The following CORO2B variants were observed in gnomAD, a reference collection of about 807,000 sequenced individuals.
The protein encoded by CORO2B is coronin-2B.
CORO2B carries 26 observed loss-of-function variants against 58.8 expected under a neutral mutation model. That is an observed-to-expected ratio of 0.44 (90% CI 0.32 to 0.61). The LOEUF (loss-of-function observed/expected upper bound fraction) is 0.61, where lower values mean the gene tolerates loss of function less well. Among genes scored for constraint, CORO2B ranks in the 20% least tolerant of loss-of-function variants. The pLI, the probability that CORO2B is intolerant of heterozygous loss-of-function variation, is 0.04. For missense variants in CORO2B, 460 were observed against 645.1 expected, an observed-to-expected ratio of 0.71 and a Z score of 3.11; for synonymous variants, 242 against 253.8, an observed-to-expected ratio of 0.95 and a Z score of 0.44.
At chr15:68,692,575 ACT>A (rs1892405991) in intron 2 of CORO2B, among the ~76,000 whole-genome samples, 1 of 149,292 alleles carries the variant, frequency 6.7e-6, no homozygotes, top group Non-Finnish European at 1.5e-5. Flanking sequence ...ACAGAGTGAG[ACT>A]CTGTCTCAAA....
In CORO2B at chr15:68,726,444, C is replaced by G. The variant is rs1052498045; in HGVS notation, c.*470C>G. On this transcript the variant is annotated 3_prime_UTR_variant, in exon 12 of 12. Coordinates refer to ENST00000261861, the MANE Select transcript of CORO2B (RefSeq NM_006091.5). ...GCTGGACTGCAGGCTGCAGTGATCC[C>G]TCTTTCGTCCCACCCCCTCTTCCCT... 1 of 177,608 alleles carries G rather than the reference C, an allele frequency of 5.6e-6. No homozygotes were observed. The highest frequency in any genetic ancestry group is 1.2e-5 in the Non-Finnish European group (1 of 84,750). 11.0% of individuals were successfully genotyped at this position (177,608 alleles called of 1,614,324 possible). A position where few individuals can be genotyped will look rare whatever the true frequency, so the allele number is the denominator to read the frequency against.
At chr15:68,612,341 A>G (rs1462626254) in intron 1 of CORO2B, among the ~76,000 whole-genome samples, 1 of 152,220 alleles carries the variant, frequency 6.6e-6, no homozygotes, top group Non-Finnish European at 1.5e-5. Context: ...GTAAGGACAA[A>G]TCAGTAGTGA....
At chr15:68,572,272 T>C in the CORO2B span, among the ~76,000 whole-genome samples, 1 of 152,176 alleles carries the variant, frequency 6.6e-6, no homozygotes, top group Admixed American at 6.5e-5. Flanking sequence ...AGCCACTAAA[T>C]CTGCATAGGA....
chr15:68,671,785 G>A (rs952152453), intron 2 of CORO2B, among the ~76,000 whole-genome samples: 2 of 152,188 alleles, frequency 1.3e-5, no homozygotes, highest in Non-Finnish European at 2.9e-5. Flanking sequence ...GAGAGCAAGA[G>A]AGCCCAGGCA....
the CORO2B span, among the ~76,000 whole-genome samples, chr15:68,560,150 G>A: frequency 7.2e-5 from 11 of 152,212 alleles, no homozygotes; most frequent in Non-Finnish European, 2.9e-5. Context: ...GGGAAGATCC[G>A]GATATTGAAT....
At chr15:68,520,051 G>C in the CORO2B span, among the ~76,000 whole-genome samples, 1 of 152,102 alleles carries the variant, frequency 6.6e-6, no homozygotes, top group Non-Finnish European at 1.5e-5. Flanking sequence ...GAAGCATGAT[G>C]CTTTATTTTC....
intron 2 of CORO2B, among the ~76,000 whole-genome samples, chr15:68,689,739 A>T (rs1892310371): frequency 1.3e-5 from 2 of 152,216 alleles, no homozygotes; most frequent in African/African-American, 4.8e-5. Flanking sequence ...GACATTTTTT[A>T]AAAATTTACA....
chr15:68,676,859 C>A (rs1455191846), intron 2 of CORO2B, among the ~76,000 whole-genome samples: 2 of 152,134 alleles, frequency 1.3e-5, no homozygotes, highest in Non-Finnish European at 2.9e-5. Context: ...GCAGTCTCTA[C>A]TTCCTGGATC....
intron 2 of CORO2B, among the ~76,000 whole-genome samples, chr15:68,669,293 C>T (rs1488535165): frequency 1.3e-5 from 2 of 152,168 alleles, no homozygotes; most frequent in African/African-American, 2.4e-5. Flanking sequence ...GAGGTGAAGG[C>T]GACTTGGAGC....
At chr15:68,643,770 G>A (rs1397124759) in intron 1 of CORO2B, among the ~76,000 whole-genome samples, 2 of 152,162 alleles carry the variant, frequency 1.3e-5, no homozygotes, top group African/African-American at 4.8e-5. Context: ...CGGCACCGTG[G>A]CTCACACCTG....
At position 68,711,713 on chromosome 15, in the gene CORO2B, C is replaced by A. The variant is rs376937957; in HGVS notation, c.648+7C>A. On this transcript the variant is annotated splice_region_variant and intron_variant, in intron 5 of 11. Coordinates refer to ENST00000261861, the MANE Select transcript of CORO2B (RefSeq NM_006091.5). ...CTCTGGCCGTGTTCTGCAGGTGGAACCCTACATTTTTTGAGATTGAAGGGG... is the reference window on the plus strand; with the variant it reads ...CTCTGGCCGTGTTCTGCAGGTGGAAACCTACATTTTTTGAGATTGAAGGGG... 2 of 1,613,732 alleles carry A rather than the reference C, an allele frequency of 1.2e-6. No homozygotes were observed. The highest frequency in any genetic ancestry group is 1.7e-4 in the Middle Eastern group (1 of 6,060).
intron 3 of CORO2B, among the ~76,000 whole-genome samples, chr15:68,699,727 A>G (rs1892595950): frequency 1.3e-5 from 2 of 152,208 alleles, no homozygotes; most frequent in East Asian, 3.9e-4. Context: ...CTCCTGGAGG[A>G]CGTGCTCTGG....
chr15:68,681,111 C>A (rs34202070), intron 2 of CORO2B, among the ~76,000 whole-genome samples: 27,248 of 152,078 alleles, frequency 0.18, 3,019 homozygotes, highest in Non-Finnish European at 0.24. Context: ...TACTCGCGAA[C>A]CTGAGGCAGG....
chr15:68,610,335 C>A (rs1247498334), intron 1 of CORO2B, among the ~76,000 whole-genome samples: 1 of 152,186 alleles, frequency 6.6e-6, no homozygotes, highest in Non-Finnish European at 1.5e-5. Context: ...GCACTTGCCT[C>A]AAGGCCTAGT....
At chr15:68,526,838 G>C in the CORO2B span, among the ~76,000 whole-genome samples, 1 of 152,102 alleles carries the variant, frequency 6.6e-6, no homozygotes, top group East Asian at 1.9e-4. Context: ...TTCTGTTTTC[G>C]ACAGAATCAT....
At chr15:68,642,425 C>T (rs1181464224) in intron 1 of CORO2B, among the ~76,000 whole-genome samples, 7 of 152,116 alleles carry the variant, frequency 4.6e-5, no homozygotes, top group Non-Finnish European at 1.0e-4. Flanking sequence ...AGACCATCCC[C>T]GGTGCCCAGC....
intron 2 of CORO2B, among the ~76,000 whole-genome samples, chr15:68,690,646 CTTTTTTTTT>C (rs765999578): frequency 9.7e-6 from 1 of 102,876 alleles, no homozygotes; most frequent in South Asian, 3.0e-4. Flanking sequence ...CGTTAGCTTT[CTTTTTTTTT>C]TTTTTTTTTT....
At chr15:68,701,147 C>T (rs1481445815) in intron 3 of CORO2B, among the ~76,000 whole-genome samples, 1 of 152,080 alleles carries the variant, frequency 6.6e-6, no homozygotes, top group Non-Finnish European at 1.5e-5. Context: ...CCTGAGGGGC[C>T]AGTGCGCCGA....
At chr15:68,571,407 G>T in the CORO2B span, among the ~76,000 whole-genome samples, 1 of 152,148 alleles carries the variant, frequency 6.6e-6, no homozygotes, top group African/African-American at 2.4e-5. Context: ...TTTTTCTCAT[G>T]GTGGGAGATA....
Sources: gnomAD v4.1 joint callset for allele counts (sites outside exome capture counted in the v4.1 genomes callset) on GRCh38, gnomAD v4.1.1 for gene constraint, MANE v1.5 for transcripts, NCBI Gene and HGNC (gene_info 2026-07-23, HGNC 2026-07-21) for gene names.